Variants in ZNF148 observed in about 807,000 individuals in gnomAD.
The protein encoded by ZNF148 is zinc finger protein 148, also known as Beta-Enolase Repressor Factor-1.
A neutral mutation model predicts 67.7 loss-of-function variants in ZNF148; 7 were observed. The ratio of observed to expected loss-of-function variants is 0.10; its 90% CI spans 0.06 to 0.19. The LOEUF is 0.19. Among genes scored for constraint, ZNF148 ranks in the 10% least tolerant of loss-of-function variants. The pLI is 1.00. For missense variants in ZNF148, 583 were observed against 947.1 expected, an observed-to-expected ratio of 0.62 and a Z score of 5.05; for synonymous variants, 333 against 330.7, an observed-to-expected ratio of 1.01 and a Z score of -0.08.
chr3:125,350,829 T>C (rs2333199), intron 1 of ZNF148, among the ~76,000 whole-genome samples: 46,170 of 151,666 alleles, frequency 0.3, 7,306 homozygotes, highest in East Asian at 0.44. Context: ...CATATATATA[T>C]ACACACACAC....
chr3:125,274,206 G>A (rs73195445), intron 7 of ZNF148, among the ~76,000 whole-genome samples: 12,613 of 152,180 alleles, frequency 0.083, 627 homozygotes, highest in Non-Finnish European at 0.099. Flanking sequence ...CTTGATATGC[G>A]CTTGATCAGT....
chr3:125,357,073 G>A (rs1418512400), intron 1 of ZNF148: 3 of 152,352 alleles, frequency 2.0e-5, no homozygotes, highest in East Asian at 1.9e-4. Context: ...ATCAGCCTTC[G>A]GCGGCCCCCC....
At chr3:125,326,699 T>C (rs1256618894) in intron 2 of ZNF148, among the ~76,000 whole-genome samples, 1 of 147,956 alleles carries the variant, frequency 6.8e-6, no homozygotes, top group Non-Finnish European at 1.5e-5. Flanking sequence ...GCTTTATATA[T>C]GTATATATAT....
intron 7 of ZNF148, among the ~76,000 whole-genome samples, chr3:125,262,081 A>G (rs1937370073): frequency 6.6e-6 from 1 of 152,164 alleles, no homozygotes; most frequent in South Asian, 2.1e-4. Context: ...ATTAAAATCA[A>G]TTGTAAATGT....
chr3:125,328,616 A>T (rs1195470839), intron 2 of ZNF148, among the ~76,000 whole-genome samples: 2 of 151,944 alleles, frequency 1.3e-5, no homozygotes, highest in Non-Finnish European at 2.9e-5. Flanking sequence ...TTATACCCTC[A>T]TAAGTATATA....
intron 7 of ZNF148, among the ~76,000 whole-genome samples, chr3:125,238,281 T>C (rs1476052260): frequency 3.3e-5 from 5 of 152,038 alleles, no homozygotes; most frequent in African/African-American, 4.8e-5. Flanking sequence ...AATAAATAAA[T>C]TGGACTTAAT....
At chr3:125,256,369 CAAAAAA>C (rs34918292) in intron 7 of ZNF148, among the ~76,000 whole-genome samples, 1 of 138,000 alleles carries the variant, frequency 7.2e-6, no homozygotes, top group Non-Finnish European at 1.6e-5. Context: ...CTCCATTTCC[CAAAAAA>C]AAAAAAAAAA....
chr3:125,352,498 G>C (rs1004241889), intron 1 of ZNF148, among the ~76,000 whole-genome samples: 4 of 152,016 alleles, frequency 2.6e-5, no homozygotes, highest in African/African-American at 9.7e-5. Flanking sequence ...GAAAACAACT[G>C]AACTGTATAG....
intron 7 of ZNF148, among the ~76,000 whole-genome samples, chr3:125,252,357 T>C (rs1445580160): frequency 2.0e-5 from 2 of 99,932 alleles, no homozygotes; most frequent in Non-Finnish European, 5.5e-5. Context: ...GTTTCATTAT[T>C]AAAAAAAAAG....
At chr3:125,324,110 A>C (rs1940914258) in intron 2 of ZNF148, among the ~76,000 whole-genome samples, 1 of 152,198 alleles carries the variant, frequency 6.6e-6, no homozygotes, top group South Asian at 2.1e-4. Context: ...GCAGTGCACC[A>C]GCATGGCACA....
At chr3:125,352,674 A>G (rs1004377627) in intron 1 of ZNF148, among the ~76,000 whole-genome samples, 22 of 152,122 alleles carry the variant, frequency 1.4e-4, no homozygotes, top group African/African-American at 5.3e-4. Flanking sequence ...AAAAAAAAAA[A>G]AAAAAAGATC....
rs1258956371 is a variant in ZNF148 at position 125,305,504 on chromosome 3, TAA to T, written c.333+7802_333+7803del. ...CAGAACATGTAGTTCAGTGAGTACA[TAA>T]AAGAGTTAAAGAATACAATTAGTGG... On this transcript the variant is annotated intron_variant, in intron 4 of 8. Coordinates refer to ENST00000360647, the MANE Select transcript of ZNF148 (RefSeq NM_021964.3). Among the ~76,000 whole-genome samples, 6 of 152,218 alleles carry T rather than the reference TAA, an allele frequency of 3.9e-5. No homozygotes were observed. In the East Asian group the frequency reaches 1.2e-3, roughly 29 times the overall value.
chr3:125,308,537 AAAAC>A (rs869193066), intron 4 of ZNF148, among the ~76,000 whole-genome samples: 1 of 126,860 alleles, frequency 7.9e-6, no homozygotes. Flanking sequence ...AAAAAAAAAA[AAAAC>A]AAAAACCTAA....
intron 1 of ZNF148, among the ~76,000 whole-genome samples, chr3:125,365,088 C>T (rs1448408050): frequency 6.6e-6 from 1 of 152,198 alleles, no homozygotes; most frequent in Non-Finnish European, 1.5e-5. Flanking sequence ...TGCCACAGTA[C>T]TTGTGTCATA....
At chr3:125,304,052 T>C (rs530571435) in intron 4 of ZNF148, among the ~76,000 whole-genome samples, 1 of 152,208 alleles carries the variant, frequency 6.6e-6, no homozygotes, top group South Asian at 2.1e-4. Flanking sequence ...AGTAAAAGGA[T>C]AGATTTTTGT....
At chr3:125,342,337 T>TAAAGACAAAAAAA (rs145947226) in intron 1 of ZNF148, among the ~76,000 whole-genome samples, 3 of 145,660 alleles carry the variant, frequency 2.1e-5, no homozygotes, top group Non-Finnish European at 4.5e-5. Flanking sequence ...ATTCAAAAAC[T>TAAAGACAAAAAAA]AAAGACAAAA....
At chr3:125,254,390 A>G (rs895938109) in intron 7 of ZNF148, among the ~76,000 whole-genome samples, 2 of 152,218 alleles carry the variant, frequency 1.3e-5, no homozygotes, top group Non-Finnish European at 1.5e-5. Flanking sequence ...CACTCAGGTC[A>G]TGGTTGTGTT....
intron 7 of ZNF148, among the ~76,000 whole-genome samples, chr3:125,256,132 G>A (rs978531884): frequency 3.3e-5 from 5 of 152,012 alleles, no homozygotes; most frequent in Admixed American, 6.6e-5. Flanking sequence ...GGGAGGCCGA[G>A]GCGGGTGGAT....
chr3:125,257,164 T>G (rs1937123982), intron 7 of ZNF148, among the ~76,000 whole-genome samples: 1 of 152,194 alleles, frequency 6.6e-6, no homozygotes, highest in Admixed American at 6.5e-5. Context: ...CTTTCTGTCA[T>G]TCTGTTCTGT....
Sources: gnomAD v4.1 joint callset for allele counts (sites outside exome capture counted in the v4.1 genomes callset) on GRCh38, gnomAD v4.1.1 for gene constraint, MANE v1.5 for transcripts, NCBI Gene and HGNC (gene_info 2026-07-23, HGNC 2026-07-21) for gene names.